PIP5K1B: variants seen among roughly 807,000 people sequenced by gnomAD.
PIP5K1B encodes the protein phosphatidylinositol 4-phosphate 5-kinase type-1 beta.
A neutral mutation model predicts 67.0 loss-of-function variants in PIP5K1B; 42 were observed. That is an observed-to-expected ratio of 0.63 (90% CI 0.49 to 0.81). The LOEUF (loss-of-function observed/expected upper bound fraction) is 0.81, where lower values mean the gene tolerates loss of function less well. PIP5K1B is among the 30% of genes least tolerant of loss of function. The probability of loss-of-function intolerance (pLI) is 0.00; values close to 1 mark genes in which losing one functional copy is unlikely to be tolerated. For synonymous variants in PIP5K1B, 214 were observed against 231.4 expected (o/e 0.92, Z 0.68); for missense variants, 459 against 646.3 (o/e 0.71, Z 3.14).
At chr9:68,940,928 C>A in intron 14 of PIP5K1B, 138 bp downstream of exon 14, 1 of 820,384 alleles carries the variant, frequency 1.2e-6, no homozygotes. Flanking sequence ...GGAGAGAGAA[C>A]ATGCTTGATT....
rs11427395 is a variant in PIP5K1B at position 68,861,287 on chromosome 9, A to ATT, written c.70-2545_70-2544dup. 8.5e-4 allele frequency among the ~76,000 whole-genome samples: 129 copies of ATT among 152,062 alleles called. 1 individual carries two copies. The South Asian group carries it at 0.026, about 31-fold the overall frequency. ...CTTAACCTTACACCAGAGGAGAAAG[A>ATT]TTTTTTCTTAGAACAAGAGCATATA... is the stretch of plus-strand genomic sequence containing the variant. On this transcript the variant is annotated intron_variant, in intron 4 of 15. Coordinates refer to ENST00000265382, the MANE Select transcript of PIP5K1B (RefSeq NM_003558.4).
chr9:68,877,392 C>T (rs1823950495), intron 6 of PIP5K1B, among the ~76,000 whole-genome samples: 2 of 152,206 alleles, frequency 1.3e-5, no homozygotes, highest in Non-Finnish European at 2.9e-5. Flanking sequence ...TCTGATGTGA[C>T]CTCAGAGTTT....
At chr9:68,876,342 G>A (rs1311194786) in intron 5 of PIP5K1B, among the ~76,000 whole-genome samples, 1 of 152,112 alleles carries the variant, frequency 6.6e-6, no homozygotes, top group African/African-American at 2.4e-5. Flanking sequence ...CACACTCTAA[G>A]GCCTAGATCT....
At chr9:68,707,387 A>AC (rs1449456575) in intron 1 of PIP5K1B, among the ~76,000 whole-genome samples, 6 of 152,198 alleles carry the variant, frequency 3.9e-5, no homozygotes, top group African/African-American at 1.4e-4. Context: ...CAGGGCAAAG[A>AC]CTTTTTACCA....
At chr9:68,828,221 T>C (rs1889149) in intron 4 of PIP5K1B, among the ~76,000 whole-genome samples, 148,657 of 152,324 alleles carry the variant, frequency 0.98, 72,631 homozygotes, top group East Asian at 1. Flanking sequence ...CTGTTTCTCC[T>C]GCCTTTCTGG....
At chr9:68,985,409 G>C (rs561137351) in intron 14 of PIP5K1B, among the ~76,000 whole-genome samples, 1 of 151,824 alleles carries the variant, frequency 6.6e-6, no homozygotes, top group Admixed American at 6.6e-5. Context: ...CCACCACCAC[G>C]CCTGGCTAAT....
At chr9:68,749,199 C>T (rs1339435011) in intron 2 of PIP5K1B, among the ~76,000 whole-genome samples, 1 of 152,122 alleles carries the variant, frequency 6.6e-6, no homozygotes, top group Non-Finnish European at 1.5e-5. Context: ...GAGGGGATTA[C>T]CCTGTATCAT....
At position 68,919,461 on chromosome 9, in the gene PIP5K1B, C is replaced by T. The variant is rs1162598312; in HGVS notation, c.984-18C>T. 7.6e-7 allele frequency: 1 copy of T among 1,321,994 alleles called. No homozygotes were observed. The highest frequency in any genetic ancestry group is 1.5e-5 in the African/African-American group (1 of 67,584). 81.9% of individuals were successfully genotyped at this position (1,321,994 alleles called of 1,614,324 possible). ...TATAATATGTAATCAAATATTTTCT[C>T]TTTTGCTCCATCAACAGAATGGGAG... is the stretch of plus-strand genomic sequence containing the variant. On this transcript the variant is annotated intron_variant, in intron 9 of 15. Coordinates refer to ENST00000265382, the MANE Select transcript of PIP5K1B (RefSeq NM_003558.4).
intron 6 of PIP5K1B, among the ~76,000 whole-genome samples, chr9:68,888,079 A>G (rs146943399): frequency 4.1e-4 from 62 of 151,802 alleles, no homozygotes; most frequent in African/African-American, 1.5e-3. Context: ...CCCAGGTTCA[A>G]GCAATTCTTC....
At chr9:68,819,459 G>C (rs560075818) in intron 3 of PIP5K1B, among the ~76,000 whole-genome samples, 41 of 152,182 alleles carry the variant, frequency 2.7e-4, no homozygotes, top group African/African-American at 9.9e-4. Flanking sequence ...TTTTTATAGA[G>C]ATGAGTTCTC....
intron 15 of PIP5K1B, among the ~76,000 whole-genome samples, chr9:69,000,353 A>T (rs11144717): frequency 0.36 from 54,478 of 151,942 alleles, 9,849 homozygotes; most frequent in Non-Finnish European, 0.38. Flanking sequence ...ATATAATAAG[A>T]TAAAAATATG....
rs189496377 is a variant in PIP5K1B at position 68,774,364 on chromosome 9, C to T, written c.-86+31707C>T. Among the ~76,000 whole-genome samples the T allele has an allele frequency of 2.3e-3, 343 of 152,220 alleles. 3 individuals are homozygous for T. Among genetic ancestry groups the T allele is most frequent in the Non-Finnish European group, 3.8e-3 (258 of 68,004 alleles). On this transcript the variant is annotated intron_variant, in intron 2 of 15. Coordinates refer to ENST00000265382, the MANE Select transcript of PIP5K1B (RefSeq NM_003558.4). The stretch of plus-strand genomic sequence containing the variant: ...TCAAGCTAGTTCTCTTCCACTGATA[C>T]TGTTGTGTGTCAGAGAGATTTGGAA...
At chr9:68,729,693 A>C (rs897844566) in intron 1 of PIP5K1B, among the ~76,000 whole-genome samples, 4 of 152,190 alleles carry the variant, frequency 2.6e-5, no homozygotes, top group African/African-American at 9.6e-5. Context: ...AGACAAAAGT[A>C]ATCATCCATA....
At chr9:68,906,506 G>C (rs1796095753) in intron 8 of PIP5K1B, among the ~76,000 whole-genome samples, 1 of 152,130 alleles carries the variant, frequency 6.6e-6, no homozygotes, top group Non-Finnish European at 1.5e-5. Context: ...TTCATAAAAA[G>C]GATACATCTG....
intron 14 of PIP5K1B, among the ~76,000 whole-genome samples, chr9:68,988,124 C>G (rs1455210955): frequency 6.6e-6 from 1 of 152,008 alleles, no homozygotes; most frequent in African/African-American, 2.4e-5. Flanking sequence ...TCTTCCCAAA[C>G]AGTTCAGGGA....
At chr9:68,886,942 C>T (rs1824507286) in intron 6 of PIP5K1B, among the ~76,000 whole-genome samples, 1 of 152,212 alleles carries the variant, frequency 6.6e-6, no homozygotes, top group Admixed American at 6.5e-5. Flanking sequence ...CTGCTACAGC[C>T]ACTGGCCTCT....
chr9:68,952,132 GT>G (rs1319883141), intron 14 of PIP5K1B, among the ~76,000 whole-genome samples: 1 of 152,026 alleles, frequency 6.6e-6, no homozygotes, highest in African/African-American at 2.4e-5. Context: ...CATATACTAT[GT>G]TTCAGTTTCC....
intron 1 of PIP5K1B, among the ~76,000 whole-genome samples, chr9:68,712,363 G>A (rs564825383): frequency 6.6e-6 from 1 of 152,282 alleles, no homozygotes; most frequent in South Asian, 2.1e-4. Context: ...TTTTCTTTAT[G>A]AATTATGCAG....
chr9:68,889,328 C>T (rs1587621594), intron 7 of PIP5K1B, among the ~76,000 whole-genome samples, 195 bp downstream of exon 7: 2 of 152,132 alleles, frequency 1.3e-5, no homozygotes, highest in East Asian at 3.8e-4. Context: ...GCAGAGCATA[C>T]TTGTTGAATC....
Sources: gnomAD v4.1 joint callset for allele counts (sites outside exome capture counted in the v4.1 genomes callset) on GRCh38, gnomAD v4.1.1 for gene constraint, MANE v1.5 for transcripts, NCBI Gene and HGNC (gene_info 2026-07-23, HGNC 2026-07-21) for gene names.